Variants in ZNF143 observed in about 807,000 individuals in gnomAD.
ZNF143 encodes the protein zinc finger protein 143.
A neutral mutation model predicts 74.1 loss-of-function variants in ZNF143; 49 were observed. That is an observed-to-expected ratio of 0.66 (90% CI 0.53 to 0.84). The LOEUF is 0.84. Among genes scored for constraint, ZNF143 ranks in the 40% least tolerant of loss-of-function variants. The pLI is 0.00. For synonymous variants in ZNF143, 304 were observed against 282.8 expected, an observed-to-expected ratio of 1.07 and a Z score of -0.75; for missense variants, 637 against 793.4, an observed-to-expected ratio of 0.80 and a Z score of 2.37.
At chr11:9,464,042 T>C (rs1189093678) in intron 1 of ZNF143, among the ~76,000 whole-genome samples, 4 of 152,164 alleles carry the variant, frequency 2.6e-5, no homozygotes, top group Admixed American at 2.0e-4. Context: ...TCTCATTCTT[T>C]TAAATGCCTA....
chr11:9,519,372 C>T (rs774844207), intron 14 of ZNF143, among the ~76,000 whole-genome samples: 2 of 152,128 alleles, frequency 1.3e-5, no homozygotes, highest in Non-Finnish European at 2.9e-5. Flanking sequence ...TCTCGAACTC[C>T]GGACCTCAAG....
chr11:9,490,126 G>T (rs1027875480), intron 7 of ZNF143, among the ~76,000 whole-genome samples: 2 of 152,196 alleles, frequency 1.3e-5, no homozygotes, highest in South Asian at 4.1e-4. Flanking sequence ...GGAGGGTGCA[G>T]TGAGCTGTGA....
intron 1 of ZNF143, among the ~76,000 whole-genome samples, chr11:9,468,463 G>A (rs535177104): frequency 1.3e-5 from 2 of 152,262 alleles, no homozygotes; most frequent in Middle Eastern, 3.4e-3. Flanking sequence ...TTTTTGAATA[G>A]TCCTGGAACT....
chr11:9,466,284 A>C (rs1856207726), intron 1 of ZNF143, among the ~76,000 whole-genome samples: 1 of 146,050 alleles, frequency 6.8e-6, no homozygotes, highest in Admixed American at 6.9e-5. Flanking sequence ...TGCGCAGCCT[A>C]ATTTTTTTCT....
chr11:9,468,597 CTCTA>C lies in ZNF143; in HGVS notation c.-7-2701_-7-2698del, dbSNP rs879593640. Among the ~76,000 whole-genome samples the C allele has an allele frequency of 7.9e-5, 12 of 152,358 alleles. No homozygotes were observed. The East Asian group carries it at 1.5e-3, about 20-fold the overall frequency. ...TAGCATCATATGGAGTCTGCGAGAA[CTCTA>C]TCTCATTTGCTAGCACGTTCTAATT... is the stretch of plus-strand genomic sequence containing the variant. On this transcript the variant is annotated intron_variant, in intron 1 of 15. Coordinates refer to ENST00000396602, the MANE Select transcript of ZNF143 (RefSeq NM_003442.6).
chr11:9,502,267 G>C (rs147539577), intron 11 of ZNF143, among the ~76,000 whole-genome samples: 8,217 of 61,252 alleles, frequency 0.13, 551 homozygotes, highest in Non-Finnish European at 0.19. Flanking sequence ...TTTTTTTTTG[G>C]GAAACTGCTT....
intron 12 of ZNF143, among the ~76,000 whole-genome samples, chr11:9,511,862 C>T (rs994243527): frequency 8.6e-5 from 13 of 151,474 alleles, no homozygotes; most frequent in Non-Finnish European, 1.8e-4. Flanking sequence ...TGCCATTCTC[C>T]TGCCTCAGCC....
At chr11:9,506,328 G>A (rs4328248) in intron 11 of ZNF143, among the ~76,000 whole-genome samples, 2,769 of 152,254 alleles carry the variant, frequency 0.018, 80 homozygotes, top group African/African-American at 0.062. Context: ...GCGAGACTCC[G>A]TCTCAAAAAG....
chr11:9,508,533 A>G, intron 11 of ZNF143, 86 bp from the exon 12 acceptor site: 1 of 1,187,788 alleles, frequency 8.4e-7, no homozygotes, highest in Non-Finnish European at 1.2e-6. Flanking sequence ...TTATTTTTAG[A>G]GGTATTTTAC....
intron 7 of ZNF143, among the ~76,000 whole-genome samples, chr11:9,485,745 A>G (rs1434048264): frequency 6.6e-6 from 1 of 151,628 alleles, no homozygotes; most frequent in South Asian, 2.1e-4. Flanking sequence ...TTCAAAGAGA[A>G]TACATTTTTA....
At chr11:9,487,039 T>A (rs1298542182) in intron 7 of ZNF143, among the ~76,000 whole-genome samples, 1 of 143,744 alleles carries the variant, frequency 7.0e-6, no homozygotes, top group African/African-American at 2.7e-5. Context: ...TGATCTTGGC[T>A]CACTGCTACC....
intron 15 of ZNF143, among the ~76,000 whole-genome samples, chr11:9,526,041 T>A (rs943056150): frequency 1.3e-5 from 2 of 151,344 alleles, no homozygotes; most frequent in African/African-American, 4.9e-5. Context: ...ACTTGGGGGG[T>A]GCTGAGGCAG....
At chr11:9,481,145 T>C (rs953178849) in intron 7 of ZNF143, among the ~76,000 whole-genome samples, 3 of 152,084 alleles carry the variant, frequency 2.0e-5, no homozygotes, top group Admixed American at 2.0e-4. Context: ...CACAATACTT[T>C]GAGAGGCTGA....
intron 11 of ZNF143, among the ~76,000 whole-genome samples, chr11:9,501,992 A>C (rs1381962511): frequency 8.0e-6 from 1 of 124,400 alleles, no homozygotes; most frequent in Admixed American, 1.0e-4. Context: ...GCTGGAGTGC[A>C]ATGGCGCGAT....
chr11:9,483,287 C>CTTT (rs1847321716), intron 7 of ZNF143, among the ~76,000 whole-genome samples: 1 of 64,714 alleles, frequency 1.5e-5, no homozygotes, highest in Non-Finnish European at 3.6e-5. Flanking sequence ...AGCCAACATG[C>CTTT]CTTTTTTTTT....
chr11:9,486,429 T>TATATAATTA (rs1554964464), intron 7 of ZNF143, among the ~76,000 whole-genome samples: 6 of 45,224 alleles, frequency 1.3e-4, no homozygotes, highest in Non-Finnish European at 2.6e-4. Flanking sequence ...ATTATATATA[T>TATATAATTA]TATATATATA....
At position 9,486,666 on chromosome 11, in the gene ZNF143, T is replaced by G. The variant is rs554311743; in HGVS notation, c.645+7120T>G. Reference sequence around the variant, plus strand: ...CATTATTGACTTAGAACAATGTGTTTTGTTTTGTTTTTTTTTCCCTGAGAC... The same window carrying G: ...CATTATTGACTTAGAACAATGTGTTGTGTTTTGTTTTTTTTTCCCTGAGAC... On this transcript the variant is annotated intron_variant, in intron 7 of 15. Coordinates refer to ENST00000396602, the MANE Select transcript of ZNF143 (RefSeq NM_003442.6). Among the ~76,000 whole-genome samples, 2 of 147,762 alleles carry G rather than the reference T, an allele frequency of 1.4e-5. 1 individual carries two copies. Among genetic ancestry groups the G allele is most frequent in the African/African-American group, 5.1e-5 (2 of 39,124 alleles).
At chr11:9,502,167 C>A (rs976559475) in intron 11 of ZNF143, among the ~76,000 whole-genome samples, 1 of 148,122 alleles carries the variant, frequency 6.8e-6, no homozygotes, top group African/African-American at 2.5e-5. Flanking sequence ...AACTCCCAAC[C>A]TCAGGTGATC....
chr11:9,510,200 C>T lies in ZNF143; in HGVS notation c.1375+1354C>T, dbSNP rs556792470. 3.3e-5 allele frequency among the ~76,000 whole-genome samples: 5 copies of T among 151,608 alleles called. No individual in the cohort carries two copies. In the East Asian group the frequency reaches 9.7e-4, roughly 29 times the overall value. On this transcript the variant is annotated intron_variant, in intron 12 of 15. Coordinates refer to ENST00000396602, the MANE Select transcript of ZNF143 (RefSeq NM_003442.6). Reference sequence around the variant, plus strand: ...AGTGCAGTGGTGCGATCTCGGCTCACTGCAAGCTTCGCCTCCCGGGTTCAT... The same window carrying T: ...AGTGCAGTGGTGCGATCTCGGCTCATTGCAAGCTTCGCCTCCCGGGTTCAT...
Sources: allele counts gnomAD v4.1 joint callset (sites outside exome capture counted in the v4.1 genomes callset), GRCh38; gene constraint gnomAD v4.1.1; transcripts MANE v1.5; gene names NCBI Gene and HGNC (gene_info 2026-07-23, HGNC 2026-07-21).